The following DIAPH1 variants were observed in gnomAD, a reference collection of about 807,000 sequenced individuals.
DIAPH1 encodes the protein diaphanous related formin 1.
Under a neutral mutation model 140.7 loss-of-function variants are expected in DIAPH1, and 46 were observed. The ratio of observed to expected loss-of-function variants is 0.33; its 90% CI spans 0.26 to 0.42. The LOEUF is 0.42. Among genes scored for constraint, DIAPH1 ranks in the 10% least tolerant of loss-of-function variants. The pLI is 1.00. For synonymous variants in DIAPH1, 565 were observed against 551.6 expected (o/e 1.02, Z -0.34); for missense variants, 1,310 against 1,558.7 (o/e 0.84, Z 2.69).
rs200973081 is a variant in DIAPH1, at chr5:141,574,097, C to G, written c.1753G>C (p.Ala585Pro). The change falls in exon 16 of 28, where the codon GCC becomes CCC. Residue 585 changes from alanine to proline, a missense_variant. Ala to Pro is a conservative substitution (Grantham distance 27). Transcript: ENST00000389054. ...SVPSRAPVPP[A>P]PPLPGDSGTI... The stretch of plus-strand genomic sequence containing the variant: ...CCAGAGTCACCAGGTAAAGGAGGGG[C>G]AGGGGGAACAGGAGCACGACTAGGA... 1.2e-5 allele frequency: 19 copies of G among 1,613,422 alleles called. No homozygotes were observed. The East Asian group carries it at 4.0e-4, about 34-fold the overall frequency.
At chr5:141,525,396 C>T (rs114824050) in intron 26 of DIAPH1, among the ~76,000 whole-genome samples, 2,066 of 151,588 alleles carry the variant, frequency 0.014, 14 homozygotes, top group Middle Eastern at 0.034. Context: ...GCAGTGGGGG[C>T]GAAGGGGTAG....
chr5:141,593,567 T>C (rs2154596894), intron 1 of DIAPH1, among the ~76,000 whole-genome samples: 1 of 152,300 alleles, frequency 6.6e-6, no homozygotes, highest in South Asian at 2.1e-4. Context: ...AGAGCTCCAT[T>C]GTCCAACATG....
Position 141,583,629 on chromosome 5 carries a change from A to G in DIAPH1, c.403-14T>C. 6.2e-7 allele frequency: 1 copy of G among 1,614,224 alleles called. No individual in the cohort carries two copies. The highest frequency in any genetic ancestry group is 2.2e-5 in the East Asian group (1 of 44,888). ...CTGGCTCATGCCCTAGACAGAAGGC[A>G]TAGACAGAGATTAGTAATGGTGGAC... On this transcript the variant is annotated splice_polypyrimidine_tract_variant and intron_variant, in intron 4 of 27. Transcript: ENST00000389054.
chr5:141,526,028 C>T lies in DIAPH1; in HGVS notation c.3574+10G>A, dbSNP rs200327015. On this transcript the variant is annotated intron_variant, in intron 26 of 27. Coordinates refer to ENST00000389054, the MANE Select transcript of DIAPH1 (RefSeq NM_005219.5). ...CTATCTCAGCCCATCAACCCGTCTTCACTCCTCACCTGCATTCATGTCTAT... is the reference window on the plus strand; with the variant it reads ...CTATCTCAGCCCATCAACCCGTCTTTACTCCTCACCTGCATTCATGTCTAT... 132 of 1,613,876 alleles carry T rather than the reference C, an allele frequency of 8.2e-5. 1 individual carries two copies. The African/African-American group carries it at 1.4e-3, about 17-fold the overall frequency.
chr5:141,548,798 C>A (rs971787923), intron 18 of DIAPH1, among the ~76,000 whole-genome samples: 19 of 151,964 alleles, frequency 1.3e-4, no homozygotes, highest in Admixed American at 1.2e-3. Flanking sequence ...CAAAGTGAGA[C>A]CCTGCCTCAA....
At chr5:141,526,544 TAC>T in intron 24 of DIAPH1, 83 bp from the exon 25 acceptor site, 1 of 1,543,194 alleles carries the variant, frequency 6.5e-7, no homozygotes, top group South Asian at 1.1e-5. Flanking sequence ...CAAAGATGAG[TAC>T]TGGCATGCAA....
chr5:141,534,314 T>G (rs372490813), intron 19 of DIAPH1, 21 bp downstream of exon 19: 6 of 1,558,324 alleles, frequency 3.9e-6, no homozygotes, highest in Non-Finnish European at 1.8e-6. Context: ...TTTTGAATAG[T>G]TGGGACCAAG....
intron 23 of DIAPH1, 46 bp downstream of exon 23, chr5:141,528,407 C>T (rs763648209): frequency 1.0e-4 from 163 of 1,613,170 alleles, no homozygotes; most frequent in Non-Finnish European, 1.3e-4. Flanking sequence ...ATTTCCCTCC[C>T]CATGCAGAGA....
In DIAPH1 at chr5:141,534,359, C is replaced by A. The variant is rs779095133; in HGVS notation, c.2557G>T (p.Asp853Tyr). 1 of 1,613,704 alleles carries A rather than the reference C, an allele frequency of 6.2e-7. No homozygotes were observed. Among genetic ancestry groups the A allele is most frequent in the Non-Finnish European group, 8.5e-7 (1 of 1,179,854 alleles). The change falls in exon 19 of 28, where the codon GAT becomes TAT. Residue 853 changes from aspartate to tyrosine, a missense_variant. Coordinates refer to ENST00000389054, the MANE Select transcript of DIAPH1 (RefSeq NM_005219.5). The part of the protein sequence containing the change: ...KKKVKELKVL[D>Y]SKTAQNLSIF... ...CAGAGATTCTGGGCTGTCTTTGAATCCAACACCTTTAACTCTTTTACTTTT... is the reference window on the plus strand; with the variant it reads ...CAGAGATTCTGGGCTGTCTTTGAATACAACACCTTTAACTCTTTTACTTTT...
chr5:141,609,168 CA>C (rs11405338), intron 1 of DIAPH1, among the ~76,000 whole-genome samples: 1,940 of 84,362 alleles, frequency 0.023, 33 homozygotes, highest in African/African-American at 0.073. Context: ...TTACTAAATG[CA>C]AAAAAAAAAA....
At chr5:141,580,960 T>C (rs2099896664) in intron 7 of DIAPH1, 77 bp from the exon 8 acceptor site, 11 of 1,571,740 alleles carry the variant, frequency 7.0e-6, no homozygotes, top group Non-Finnish European at 9.6e-6. Context: ...CGGGTTGTTA[T>C]GGGTTGAATG....
chr5:141,597,630 T>C lies in DIAPH1; in HGVS notation c.118-9380A>G, dbSNP rs146734601. On this transcript the variant is annotated intron_variant, in intron 1 of 27. Transcript: ENST00000389054. ...GGATAAAGGTTCCAGGATGACTGTA[T>C]GTGCCAGGTACAGAGAACCACCAGC... is the stretch of plus-strand genomic sequence containing the variant. Among the ~76,000 whole-genome samples the C allele has an allele frequency of 9.8e-4, 149 of 152,296 alleles. 2 individuals are homozygous for C. Among genetic ancestry groups the C allele is most frequent in the Middle Eastern group, 3.4e-3 (1 of 294 alleles).
At chr5:141,563,913 T>C (rs2099893972) in intron 18 of DIAPH1, 1 of 152,244 alleles carries the variant, frequency 6.6e-6, no homozygotes, top group Non-Finnish European at 1.5e-5. Context: ...CAGTATGTTA[T>C]CTCAAGCTAG....
chr5:141,562,545 A>G (rs1030372122), intron 18 of DIAPH1, among the ~76,000 whole-genome samples: 2 of 151,816 alleles, frequency 1.3e-5, no homozygotes, highest in African/African-American at 4.8e-5. Flanking sequence ...GGCATGGATG[A>G]ATACTAGGGT....
In DIAPH1 at chr5:141,551,915, C is replaced by T. The variant is rs141095269; in HGVS notation, c.2483-17482G>A. Among the ~76,000 whole-genome samples the T allele has an allele frequency of 3.7e-3, 566 of 152,274 alleles. 5 individuals carry two copies. The highest frequency in any genetic ancestry group is 0.011 in the Admixed American group (164 of 15,282). ...ATATTCTGAGCCCTAAAGCAAAACTCTACAAATTTCTAAAGACTGAAATCA... is the reference window on the plus strand; with the variant it reads ...ATATTCTGAGCCCTAAAGCAAAACTTTACAAATTTCTAAAGACTGAAATCA... On this transcript the variant is annotated intron_variant, in intron 18 of 27. Coordinates refer to ENST00000389054, the MANE Select transcript of DIAPH1 (RefSeq NM_005219.5).
Position 141,531,315 on chromosome 5 carries a change from CTT to C in DIAPH1, c.2582-1620_2582-1619del, listed in dbSNP as rs374003670. 6.3e-4 allele frequency among the ~76,000 whole-genome samples: 91 copies of C among 144,930 alleles called. 1 individual carries two copies. Among genetic ancestry groups the C allele is most frequent in the Non-Finnish European group, 2.7e-4 (18 of 65,698 alleles). On this transcript the variant is annotated intron_variant, in intron 19 of 27. Transcript: ENST00000389054. ...AATTTTACCTTCTCTCTCTCTCTCT[CTT>C]TTTTTTTTTTGAGACAGCATCTCAC...
intron 18 of DIAPH1, among the ~76,000 whole-genome samples, chr5:141,571,141 C>T (rs1318526568): frequency 6.6e-6 from 1 of 152,118 alleles, no homozygotes; most frequent in Non-Finnish European, 1.5e-5. Flanking sequence ...TAAAACAGCA[C>T]AAATGTAAGG....
Position 141,526,403 on chromosome 5 carries a change from ATGTT to A in DIAPH1, c.3328_3331del (p.Asn1110TrpfsTer52). 6.2e-7 allele frequency: 1 copy of A among 1,614,182 alleles called. No homozygotes were observed. The highest frequency in any genetic ancestry group is 8.5e-7 in the Non-Finnish European group (1 of 1,180,030). On this transcript the variant is annotated frameshift_variant, in exon 25 of 28. Transcript: ENST00000389054. LOFTEE classifies it high-confidence loss of function. The stretch of plus-strand genomic sequence containing the variant: ...GCCCAGCTCCTTATAGAGGGTCTCC[ATGTT>A]AGAATGCATCATCCGCAGCTTGTTA...
Position 141,521,222 on chromosome 5 carries a change from G to A in DIAPH1, c.3661+2921C>T, listed in dbSNP as rs141487210. ...CTGTTAGATGGATGGAGCTTATAGGGAAGCTGGGAAATGGTAGAGGGAAGG... is the reference window on the plus strand; with the variant it reads ...CTGTTAGATGGATGGAGCTTATAGGAAAGCTGGGAAATGGTAGAGGGAAGG... On this transcript the variant is annotated intron_variant, in intron 27 of 27. Coordinates refer to ENST00000389054, the MANE Select transcript of DIAPH1 (RefSeq NM_005219.5). Among the ~76,000 whole-genome samples, 562 of 152,312 alleles carry A rather than the reference G, an allele frequency of 3.7e-3. 5 individuals carry two copies. Among genetic ancestry groups the A allele is most frequent in the Admixed American group, 0.011 (164 of 15,306 alleles).
Sources: allele counts gnomAD v4.1 joint callset (sites outside exome capture counted in the v4.1 genomes callset), GRCh38; gene constraint gnomAD v4.1.1; transcripts MANE v1.5; gene names NCBI Gene and HGNC (gene_info 2026-07-23, HGNC 2026-07-21).